SCMH1: variants seen among roughly 807,000 people sequenced by gnomAD.
The protein encoded by SCMH1 is Scm polycomb group protein homolog 1.
Under a neutral mutation model 70.8 loss-of-function variants are expected in SCMH1, and 37 were observed. The ratio of observed to expected loss-of-function variants is 0.52; its 90% CI spans 0.40 to 0.69. The LOEUF (loss-of-function observed/expected upper bound fraction) is 0.69, where lower values mean the gene tolerates loss of function less well. Among genes scored for constraint, SCMH1 ranks in the 30% least tolerant of loss-of-function variants. SCMH1 has a pLI of 0.00. For missense variants in SCMH1, 607 were observed against 827.3 expected (o/e 0.73, Z 3.27); for synonymous variants, 292 against 307.4 (o/e 0.95, Z 0.52).
At chr1:41,236,760 C>T (rs1662473174) in intron 1 of SCMH1, among the ~76,000 whole-genome samples, 2 of 152,126 alleles carry the variant, frequency 1.3e-5, no homozygotes, top group Non-Finnish European at 2.9e-5. Context: ...AATACAAGTG[C>T]TATGTAAATA....
chr1:41,030,431 C>T (rs1644361859), intron 13 of SCMH1, among the ~76,000 whole-genome samples: 1 of 152,190 alleles, frequency 6.6e-6, no homozygotes, highest in South Asian at 2.1e-4. Context: ...ACTCGCCGTG[C>T]TTCAAACACA....
At chr1:41,226,734 A>T (rs1660339055) in intron 1 of SCMH1, among the ~76,000 whole-genome samples, 1 of 152,238 alleles carries the variant, frequency 6.6e-6, no homozygotes, top group Admixed American at 6.5e-5. Flanking sequence ...TCAACCAAAA[A>T]ATACAAATAT....
chr1:41,040,186 C>A (rs1458622060), intron 12 of SCMH1, among the ~76,000 whole-genome samples: 1 of 152,122 alleles, frequency 6.6e-6, no homozygotes, highest in African/African-American at 2.4e-5. Flanking sequence ...TGGGATCAAA[C>A]AAACATTTGT....
At chr1:41,030,152 C>A (rs527978547) in intron 13 of SCMH1, among the ~76,000 whole-genome samples, 5 of 152,266 alleles carry the variant, frequency 3.3e-5, no homozygotes, top group African/African-American at 1.2e-4. Context: ...GAGTTCCAGG[C>A]TGCAGTGAGC....
chr1:41,093,455 G>C (rs1664208524), intron 8 of SCMH1, among the ~76,000 whole-genome samples: 2 of 151,890 alleles, frequency 1.3e-5, no homozygotes. Context: ...CACCAGCATG[G>C]CACATGTATA....
chr1:41,051,347 CTA>C (rs1272277130), intron 10 of SCMH1, among the ~76,000 whole-genome samples: 2 of 152,284 alleles, frequency 1.3e-5, no homozygotes, highest in East Asian at 3.9e-4. Flanking sequence ...TAATAAATGA[CTA>C]TGTTACTGAT....
chr1:41,055,472 C>A (rs1294744929), intron 10 of SCMH1, among the ~76,000 whole-genome samples: 1 of 152,196 alleles, frequency 6.6e-6, no homozygotes, highest in African/African-American at 2.4e-5. Flanking sequence ...GCCTCAGCCT[C>A]CTGAGTAGCT....
At chr1:41,241,841 C>T (rs1292466055) in intron 1 of SCMH1, among the ~76,000 whole-genome samples, 1 of 151,820 alleles carries the variant, frequency 6.6e-6, no homozygotes, top group East Asian at 1.9e-4. Context: ...AGATGCAGAG[C>T]CGGCCTCCGG....
At chr1:41,115,626 C>T (rs538926996) in intron 7 of SCMH1, among the ~76,000 whole-genome samples, 7 of 152,110 alleles carry the variant, frequency 4.6e-5, no homozygotes, top group Admixed American at 1.3e-4. Flanking sequence ...TTTCTAGAGA[C>T]GGGGTCTTGC....
chr1:41,058,082 C>A (rs557381463), intron 10 of SCMH1, among the ~76,000 whole-genome samples: 1 of 144,782 alleles, frequency 6.9e-6, no homozygotes, highest in East Asian at 2.0e-4. Flanking sequence ...TGACTGCACA[C>A]TGCACTCCAG....
chr1:41,202,154 G>A (rs1166109664), intron 1 of SCMH1, among the ~76,000 whole-genome samples: 1 of 152,054 alleles, frequency 6.6e-6, no homozygotes, highest in African/African-American at 2.4e-5. Flanking sequence ...TCCTGTCTTA[G>A]CCTCCCGAGT....
At chr1:41,236,542 C>T (rs1662418916) in intron 1 of SCMH1, among the ~76,000 whole-genome samples, 1 of 152,140 alleles carries the variant, frequency 6.6e-6, no homozygotes, top group South Asian at 2.1e-4. Flanking sequence ...GGAAGACAGA[C>T]CGTTTGATTC....
chr1:41,054,668 A>G (rs1244604811), intron 10 of SCMH1, among the ~76,000 whole-genome samples: 2 of 152,238 alleles, frequency 1.3e-5, no homozygotes, highest in Non-Finnish European at 2.9e-5. Flanking sequence ...ACTGTCCTAC[A>G]GCAGCTGAAT....
At chr1:41,075,320 G>A (rs1450444092) in exon 9 of SCMH1, 4 of 1,614,142 alleles carry the variant, frequency 2.5e-6, no homozygotes, top group Admixed American at 1.7e-5. Context: ...TTGGGTGTCC[G>A]GCCCCGCTTC....
intron 2 of SCMH1, among the ~76,000 whole-genome samples, chr1:41,168,825 T>A (rs112398220): frequency 3.9e-5 from 6 of 152,278 alleles, no homozygotes; most frequent in Admixed American, 2.0e-4. Flanking sequence ...GACTGCTGTC[T>A]CTTTTTTGAT....
At chr1:41,133,974 C>A (rs973666849) in intron 6 of SCMH1, among the ~76,000 whole-genome samples, 3 of 152,040 alleles carry the variant, frequency 2.0e-5, no homozygotes, top group Non-Finnish European at 4.4e-5. Context: ...AGCAGAGACA[C>A]AACAAAAAAA....
intron 1 of SCMH1, among the ~76,000 whole-genome samples, chr1:41,187,151 T>A (rs573195688): frequency 1.3e-5 from 2 of 152,250 alleles, no homozygotes; most frequent in South Asian, 4.1e-4. Context: ...TAATGTTTAT[T>A]TTCCCTTTAA....
intron 10 of SCMH1, among the ~76,000 whole-genome samples, chr1:41,059,879 C>T (rs867307397): frequency 3.3e-5 from 5 of 152,058 alleles, no homozygotes; most frequent in Admixed American, 6.6e-5. Flanking sequence ...GCATGTCCTT[C>T]GAGGGAGGTC....
chr1:41,116,073 A>G (rs1265226586), intron 7 of SCMH1, among the ~76,000 whole-genome samples: 1 of 152,130 alleles, frequency 6.6e-6, no homozygotes, highest in East Asian at 1.9e-4. Context: ...GTTTTCTTCT[A>G]TTTTCCCCCT....
Sources: gnomAD v4.1 joint callset for allele counts (sites outside exome capture counted in the v4.1 genomes callset) on GRCh38, gnomAD v4.1.1 for gene constraint, MANE v1.5 for transcripts, NCBI Gene and HGNC (gene_info 2026-07-23, HGNC 2026-07-21) for gene names.